SLIT3: variants seen among roughly 807,000 people sequenced by gnomAD.
SLIT3 encodes the protein slit homolog 3 protein.
SLIT3 carries 68 observed loss-of-function variants against 184.0 expected under a neutral mutation model. The ratio of observed to expected loss-of-function variants is 0.37; its 90% confidence interval spans 0.30 to 0.45. SLIT3 has a LOEUF of 0.45. Among genes scored for constraint, SLIT3 ranks in the 20% least tolerant of loss-of-function variants. The pLI is 1.00. For synonymous variants in SLIT3, 831 were observed against 828.6 expected (o/e 1.00, Z -0.05); for missense variants, 1,707 against 2,026.0 (o/e 0.84, Z 3.02).
intron 4 of SLIT3, among the ~76,000 whole-genome samples, chr5:169,137,046 A>G (rs556883109): frequency 1.3e-5 from 2 of 152,138 alleles, no homozygotes; most frequent in Non-Finnish European, 2.9e-5. Context: ...TTACCCAGAA[A>G]GCTTCACCAA....
chr5:168,726,440 CAGGGAGGGAGGGAG>C (rs1763121015), intron 20 of SLIT3, among the ~76,000 whole-genome samples: 1 of 19,396 alleles, frequency 5.2e-5, no homozygotes, highest in African/African-American at 2.6e-4. Flanking sequence ...AAGAGGGAGG[CAGGGAGGGAGGGAG>C]AGGGAGGGAG....
At chr5:169,121,516 G>T (rs953994030) in intron 4 of SLIT3, among the ~76,000 whole-genome samples, 3 of 152,126 alleles carry the variant, frequency 2.0e-5, no homozygotes, top group Admixed American at 6.5e-5. Flanking sequence ...ACTCAGAAGG[G>T]TTTCACTTCC....
chr5:168,972,076 C>A (rs1028831927), intron 4 of SLIT3, among the ~76,000 whole-genome samples: 1 of 152,180 alleles, frequency 6.6e-6, no homozygotes, highest in African/African-American at 2.4e-5. Context: ...GAAGGTCCCT[C>A]TGGGGAGGTG....
intron 10 of SLIT3, among the ~76,000 whole-genome samples, chr5:168,795,201 G>A (rs1756524727): frequency 6.6e-6 from 1 of 152,160 alleles, no homozygotes; most frequent in Non-Finnish European, 1.5e-5. Context: ...TGGAGCCAAG[G>A]GACAGTATAA....
intron 8 of SLIT3, among the ~76,000 whole-genome samples, chr5:168,811,248 C>A (rs1188242984): frequency 1.3e-5 from 2 of 152,124 alleles, no homozygotes; most frequent in African/African-American, 2.4e-5. Flanking sequence ...AACATGTATT[C>A]AATGTGTACT....
intron 26 of SLIT3, chr5:168,707,300 A>T (rs1762401935): frequency 1.3e-5 from 2 of 152,556 alleles, no homozygotes; most frequent in Non-Finnish European, 2.9e-5. Context: ...TACTTGGCAC[A>T]GTCTGTACTC....
At chr5:168,877,283 G>A (rs868746797) in intron 5 of SLIT3, among the ~76,000 whole-genome samples, 4 of 152,200 alleles carry the variant, frequency 2.6e-5, no homozygotes, top group Non-Finnish European at 4.4e-5. Flanking sequence ...GGATGTGAAG[G>A]ATCAGAAGGA....
intron 4 of SLIT3, among the ~76,000 whole-genome samples, chr5:168,930,271 C>T (rs918866888): frequency 2.0e-4 from 30 of 152,140 alleles, no homozygotes; most frequent in Admixed American, 1.2e-3. Context: ...GAGAGCCATA[C>T]GCTGTAAGGA....
At chr5:169,129,800 C>G (rs1351944916) in intron 4 of SLIT3, among the ~76,000 whole-genome samples, 1 of 151,970 alleles carries the variant, frequency 6.6e-6, no homozygotes, top group Non-Finnish European at 1.5e-5. Context: ...TAGTAATATA[C>G]AAATGCCAGT....
At chr5:168,673,144 G>A (rs1761304772) in intron 33 of SLIT3, 33 bp downstream of exon 33, 1 of 1,608,934 alleles carries the variant, frequency 6.2e-7, no homozygotes, top group Non-Finnish European at 8.5e-7. Context: ...AGGGCCAGAG[G>A]GAGGTAGAGG....
At chr5:169,127,706 C>T (rs1202314497) in intron 4 of SLIT3, among the ~76,000 whole-genome samples, 2 of 152,164 alleles carry the variant, frequency 1.3e-5, no homozygotes, top group East Asian at 1.9e-4. Flanking sequence ...GACACCTAAA[C>T]CTGTGTGAGT....
intron 4 of SLIT3, among the ~76,000 whole-genome samples, chr5:168,937,830 C>T (rs528885631): frequency 3.4e-4 from 51 of 151,900 alleles, no homozygotes; most frequent in African/African-American, 1.2e-3. Flanking sequence ...TAGCACAGCA[C>T]GTGGCAAAGA....
intron 4 of SLIT3, among the ~76,000 whole-genome samples, chr5:169,059,681 A>T (rs1271689776): frequency 6.6e-6 from 1 of 152,146 alleles, no homozygotes; most frequent in Non-Finnish European, 1.5e-5. Flanking sequence ...TAAAAACTAA[A>T]TGTCTGACTT....
intron 32 of SLIT3, among the ~76,000 whole-genome samples, chr5:168,677,719 G>A (rs530756844): frequency 6.6e-6 from 1 of 152,316 alleles, no homozygotes; most frequent in East Asian, 1.9e-4. Flanking sequence ...AAAGTGTTGG[G>A]ATTATAGGCG....
intron 1 of SLIT3, among the ~76,000 whole-genome samples, chr5:169,299,147 T>TTA (rs1392734929): frequency 6.6e-6 from 1 of 152,212 alleles, no homozygotes; most frequent in African/African-American, 2.4e-5. Flanking sequence ...CGACATGTGT[T>TTA]AATAAAGATT....
At chr5:168,900,656 C>A (rs1212604766) in intron 4 of SLIT3, among the ~76,000 whole-genome samples, 1 of 152,044 alleles carries the variant, frequency 6.6e-6, no homozygotes, top group Non-Finnish European at 1.5e-5. Flanking sequence ...AAAACAATTG[C>A]ACTTGTATGT....
chr5:168,692,756 C>A, intron 28 of SLIT3, 56 bp from the exon 29 acceptor site: 2 of 1,278,234 alleles, frequency 1.6e-6, no homozygotes, highest in Non-Finnish European at 2.3e-6. Context: ...ATGCCCTGGC[C>A]AGAAGATCAG....
At chr5:169,244,838 G>A in intron 2 of SLIT3, 62 bp from the exon 3 acceptor site, 1 of 1,416,966 alleles carries the variant, frequency 7.1e-7, no homozygotes, top group South Asian at 1.1e-5. Flanking sequence ...CTCATACTAG[G>A]CTTCATGCCA....
intron 4 of SLIT3, among the ~76,000 whole-genome samples, chr5:168,917,980 A>G (rs539955978): frequency 1.3e-5 from 2 of 152,250 alleles, no homozygotes; most frequent in East Asian, 1.9e-4. Flanking sequence ...TTTTGATTAC[A>G]AATATATTTC....
Sources: allele counts gnomAD v4.1 joint callset (sites outside exome capture counted in the v4.1 genomes callset), GRCh38; gene constraint gnomAD v4.1.1; transcripts MANE v1.5; gene names NCBI Gene and HGNC (gene_info 2026-07-23, HGNC 2026-07-21).